The following LRTM3 variants were observed in gnomAD, a reference collection of about 807,000 sequenced individuals.
LRTM3 encodes leucine-rich repeat transmembrane protein 3.
the LRTM3 span, chr13:102,742,118 G>C: frequency 5.2e-6 from 8 of 1,550,346 alleles, no homozygotes; most frequent in Non-Finnish European, 7.0e-6. Context: ...TTTAATGCTA[G>C]ACACACAGTA....
chr13:102,748,702 A>T, the LRTM3 span: 2 of 1,550,014 alleles, frequency 1.3e-6, no homozygotes, highest in Admixed American at 2.0e-5. Context: ...CTGTAATACC[A>T]ATTCCCTTTG....
chr13:102,729,517 T>C, the LRTM3 span: 26 of 1,484,740 alleles, frequency 1.8e-5, no homozygotes, highest in Non-Finnish European at 2.2e-5. Flanking sequence ...AGGAACTCCA[T>C]ATATTCCAAG....
At chr13:102,735,355 C>G in the LRTM3 span, 2 of 1,551,338 alleles carry the variant, frequency 1.3e-6, no homozygotes, top group Non-Finnish European at 1.7e-6. Context: ...ATGCTATTCT[C>G]CCTGCATCTG....
chr13:102,738,988 A>G, the LRTM3 span: 1 of 1,550,308 alleles, frequency 6.5e-7, no homozygotes, highest in East Asian at 2.4e-5. Flanking sequence ...TTAAACTATC[A>G]TCAATTGGCT....
At chr13:102,740,600 A>T in the LRTM3 span, 3 of 1,548,784 alleles carry the variant, frequency 1.9e-6, no homozygotes, top group Non-Finnish European at 2.6e-6. Context: ...CATTTGTTTC[A>T]CTGCTTCTCT....
chr13:102,733,936 G>T, the LRTM3 span: 1 of 1,551,294 alleles, frequency 6.4e-7, no homozygotes, highest in South Asian at 1.2e-5. Flanking sequence ...AGGGTACATG[G>T]AGAGTTCGCT....
the LRTM3 span, chr13:102,750,146 T>C: frequency 6.4e-7 from 1 of 1,551,114 alleles, no homozygotes; most frequent in Non-Finnish European, 8.7e-7. Context: ...ATATTCTCTG[T>C]CTGGATGCTC....
At chr13:102,744,984 C>A in the LRTM3 span, 12 of 1,550,656 alleles carry the variant, frequency 7.7e-6, no homozygotes, top group Admixed American at 9.8e-5. Flanking sequence ...TTTACTGAGT[C>A]CTCTGATTTT....
chr13:102,750,282 C>A, the LRTM3 span: 1 of 1,550,054 alleles, frequency 6.5e-7, no homozygotes, highest in Non-Finnish European at 8.7e-7. Context: ...TCACTAGTAC[C>A]TGACCATAGT....
chr13:102,738,402 G>A, the LRTM3 span: 2 of 1,550,662 alleles, frequency 1.3e-6, no homozygotes, highest in African/African-American at 1.4e-5. Context: ...CTTGTATCCA[G>A]TTGTAAATGA....
At chr13:102,733,959 A>C in the LRTM3 span, 1 of 1,551,350 alleles carries the variant, frequency 6.4e-7, no homozygotes, top group African/African-American at 1.4e-5. Flanking sequence ...GGACAAGATG[A>C]TCCTGTAATT....
chr13:102,749,135 C>A, the LRTM3 span: 2 of 1,550,384 alleles, frequency 1.3e-6, no homozygotes, highest in South Asian at 1.2e-5. Flanking sequence ...GTTATTCTTG[C>A]ATCCTAACTC....
the LRTM3 span, chr13:102,734,174 A>G: frequency 6.4e-7 from 1 of 1,551,446 alleles, no homozygotes; most frequent in Non-Finnish European, 8.7e-7. Context: ...TTGGCAGTGT[A>G]TCCTGAACCT....
chr13:102,741,121 C>A, the LRTM3 span: 1 of 1,549,670 alleles, frequency 6.5e-7, no homozygotes, highest in African/African-American at 1.4e-5. Context: ...GAACAGATTC[C>A]AGAATATTCT....
the LRTM3 span, chr13:102,743,713 T>C: frequency 6.5e-7 from 1 of 1,549,776 alleles, no homozygotes; most frequent in South Asian, 1.2e-5. Flanking sequence ...ATACAGTTTT[T>C]AAATAGGATT....
the LRTM3 span, chr13:102,747,784 A>G: frequency 3.2e-6 from 5 of 1,551,240 alleles, no homozygotes; most frequent in East Asian, 4.9e-5. Flanking sequence ...GGCATGGACT[A>G]TTCTCCAAAA....
the LRTM3 span, among the ~76,000 whole-genome samples, chr13:102,755,895 A>G: frequency 5.2e-5 from 3 of 58,246 alleles, no homozygotes; most frequent in African/African-American, 1.3e-4. Context: ...ATGTATACAC[A>G]TATATATGTG....
the LRTM3 span, chr13:102,735,474 T>C: frequency 6.4e-7 from 1 of 1,551,364 alleles, no homozygotes; most frequent in Non-Finnish European, 8.7e-7. Flanking sequence ...AGTAAAGAAG[T>C]ATTAATGCTT....
At chr13:102,729,592 A>T in the LRTM3 span, 4 of 1,536,498 alleles carry the variant, frequency 2.6e-6, no homozygotes, top group Non-Finnish European at 3.5e-6. Context: ...CAGGGGGAAT[A>T]GTCCAGCGAA....
Sources: allele counts gnomAD v4.1 joint callset (sites outside exome capture counted in the v4.1 genomes callset), GRCh38; gene constraint gnomAD v4.1.1; transcripts MANE v1.5; gene names NCBI Gene and HGNC (gene_info 2026-07-23, HGNC 2026-07-21).